Variants in ADARB2 observed in about 807,000 individuals in gnomAD.
The protein encoded by ADARB2 is adenosine deaminase RNA specific B2 (inactive).
In ADARB2, 25 loss-of-function variants were observed where a neutral mutation model predicts 62.2. That is an observed-to-expected ratio of 0.40 (90% CI 0.29 to 0.56). The LOEUF is 0.56. ADARB2 is among the 20% of genes least tolerant of loss of function. The pLI is 0.43. For missense variants in ADARB2, 1,071 were observed against 1,077.4 expected (o/e 0.99, Z 0.08); for synonymous variants, 572 against 500.8 (o/e 1.14, Z -1.90).
intron 1 of ADARB2, among the ~76,000 whole-genome samples, chr10:1,571,355 C>G (rs1255036823): frequency 2.0e-5 from 3 of 151,700 alleles, no homozygotes; most frequent in Non-Finnish European, 4.4e-5. Context: ...TTGCTTGGTG[C>G]TTGATACTGA....
chr10:1,598,898 G>A (rs571598634), intron 1 of ADARB2, among the ~76,000 whole-genome samples: 4 of 152,286 alleles, frequency 2.6e-5, no homozygotes, highest in East Asian at 3.9e-4. Flanking sequence ...GGGAGGGAGC[G>A]GATGCCCATG....
chr10:1,329,048 G>A (rs1831903863), intron 3 of ADARB2, among the ~76,000 whole-genome samples: 1 of 148,758 alleles, frequency 6.7e-6, no homozygotes, highest in African/African-American at 2.5e-5. Context: ...TAGTTGCTGT[G>A]CTAATTTATG....
At chr10:1,559,485 C>G (rs951922450) in intron 1 of ADARB2, among the ~76,000 whole-genome samples, 1 of 152,144 alleles carries the variant, frequency 6.6e-6, no homozygotes, top group African/African-American at 2.4e-5. Context: ...ACTTCTCTTC[C>G]ACCACTGGCC....
chr10:1,213,844 G>A (rs932252228), intron 7 of ADARB2, among the ~76,000 whole-genome samples: 11 of 152,214 alleles, frequency 7.2e-5, no homozygotes, highest in African/African-American at 2.4e-4. Context: ...TGCCAGCGTT[G>A]TGTGGGTTTG....
At chr10:1,273,669 C>G (rs537966470) in intron 3 of ADARB2, among the ~76,000 whole-genome samples, 1 of 152,178 alleles carries the variant, frequency 6.6e-6, no homozygotes, top group East Asian at 1.9e-4. Context: ...GGGACAGAGG[C>G]CCACAGAGTC....
intron 1 of ADARB2, among the ~76,000 whole-genome samples, chr10:1,628,042 G>A (rs1054676388): frequency 9.2e-5 from 14 of 152,240 alleles, no homozygotes; most frequent in Admixed American, 6.5e-5. Context: ...CCATCCCTCT[G>A]TGACTGGCCT....
intron 1 of ADARB2, among the ~76,000 whole-genome samples, chr10:1,684,934 G>A (rs1028602991): frequency 5.9e-5 from 9 of 152,106 alleles, no homozygotes; most frequent in Non-Finnish European, 1.2e-4. Flanking sequence ...TCCGAGTGGG[G>A]GCCTCATCCA....
rs1830932279 is a variant in ADARB2 at position 1,242,231 on chromosome 10, G to A, written c.1261C>T (p.Leu421Phe). 6.2e-7 allele frequency: 1 copy of A among 1,600,730 alleles called. No homozygotes were observed. The highest frequency in any genetic ancestry group is 1.3e-5 in the African/African-American group (1 of 74,782). The change falls in exon 5 of 10, where the codon CTC (leucine) becomes TTC (phenylalanine). Residue 421 changes from leucine to phenylalanine, a missense_variant. Physicochemically the swap from Leu to Phe is conservative, Grantham distance 22. Coordinates refer to ENST00000381312, the MANE Select transcript of ADARB2 (RefSeq NM_018702.4). Reference sequence around the variant, plus strand: ...TTCACCACCAGCCCCTGGTCACTGAGGTGCTCGCCGCTGATGCACTTGGTC... The same window carrying A: ...TTCACCACCAGCCCCTGGTCACTGAAGTGCTCGCCGCTGATGCACTTGGTC... ...SGTKCISGEH[L>F]SDQGLVVNDC...
At chr10:1,541,766 G>C (rs1314312355) in intron 1 of ADARB2, among the ~76,000 whole-genome samples, 3 of 48,144 alleles carry the variant, frequency 6.2e-5, no homozygotes, top group African/African-American at 2.8e-4. Context: ...ACCCCACTCA[G>C]ACGCAGTTCG....
At chr10:1,395,065 T>G (rs1832600008) in intron 1 of ADARB2, 2 of 440,506 alleles carry the variant, frequency 4.5e-6, no homozygotes, top group African/African-American at 2.0e-5. Context: ...TACAGATGCG[T>G]GCCACCATAA....
At chr10:1,380,246 A>C (rs374567700) in intron 1 of ADARB2, among the ~76,000 whole-genome samples, 2 of 152,268 alleles carry the variant, frequency 1.3e-5, no homozygotes, top group East Asian at 1.9e-4. Context: ...AGCGTTGCTC[A>C]TCCAACACGG....
chr10:1,410,066 T>C (rs1230395800), intron 1 of ADARB2, among the ~76,000 whole-genome samples: 2 of 119,680 alleles, frequency 1.7e-5, no homozygotes, highest in African/African-American at 6.2e-5. Flanking sequence ...TAGGGAAGGA[T>C]TCTCAGTGGT....
intron 1 of ADARB2, among the ~76,000 whole-genome samples, chr10:1,633,658 T>C (rs1442014117): frequency 6.7e-6 from 1 of 148,980 alleles, no homozygotes; most frequent in East Asian, 2.0e-4. Flanking sequence ...ACTGGTTCTG[T>C]TTCTCTGGAG....
intron 1 of ADARB2, among the ~76,000 whole-genome samples, chr10:1,700,553 T>G (rs75028061): frequency 6.5e-3 from 7 of 1,080 alleles, no homozygotes; most frequent in African/African-American, 6.0e-3. Context: ...GCCAATACAC[T>G]CAATCCCACT....
At chr10:1,472,941 C>T (rs1363906072) in intron 1 of ADARB2, among the ~76,000 whole-genome samples, 1 of 151,840 alleles carries the variant, frequency 6.6e-6, no homozygotes, top group African/African-American at 2.4e-5. Context: ...CAGGAAAAAG[C>T]ATCTCCCAAT....
At chr10:1,277,342 A>G (rs1456768698) in intron 3 of ADARB2, among the ~76,000 whole-genome samples, 7 of 152,340 alleles carry the variant, frequency 4.6e-5, no homozygotes, top group Middle Eastern at 6.8e-3. Flanking sequence ...AGGATCAACA[A>G]AATTGATAGA....
chr10:1,184,765 T>A, intron 9 of ADARB2, 96 bp downstream of exon 9: 1 of 1,386,120 alleles, frequency 7.2e-7, no homozygotes, highest in Non-Finnish European at 9.7e-7. Flanking sequence ...TCTCCCTCCC[T>A]GCAGACCAAG....
At chr10:1,618,659 C>T (rs544064550) in intron 1 of ADARB2, among the ~76,000 whole-genome samples, 5 of 152,186 alleles carry the variant, frequency 3.3e-5, no homozygotes, top group Admixed American at 2.0e-4. Flanking sequence ...ATGCTCCCCT[C>T]TCAGGCTCCC....
chr10:1,266,135 C>G (rs1212294062), intron 4 of ADARB2, among the ~76,000 whole-genome samples: 1 of 152,186 alleles, frequency 6.6e-6, no homozygotes, highest in Non-Finnish European at 1.5e-5. Context: ...TCCACGCTCT[C>G]CCGGAAGACA....
Sources: allele counts gnomAD v4.1 joint callset (sites outside exome capture counted in the v4.1 genomes callset), GRCh38; gene constraint gnomAD v4.1.1; transcripts MANE v1.5; gene names NCBI Gene and HGNC (gene_info 2026-07-23, HGNC 2026-07-21).